Variants in VRK2 observed in about 807,000 individuals in gnomAD.
VRK2 encodes the protein VRK serine/threonine kinase 2.
A neutral mutation model predicts 57.6 loss-of-function variants in VRK2; 60 were observed. The ratio of observed to expected loss-of-function variants is 1.04; its 90% CI spans 0.85 to 1.29. VRK2 has a LOEUF of 1.29. VRK2 is among the 50% of genes most tolerant of loss of function. VRK2 has a pLI of 0.00. For synonymous variants in VRK2, 231 were observed against 199.2 expected, an observed-to-expected ratio of 1.16 and a Z score of -1.35; for missense variants, 705 against 588.1, an observed-to-expected ratio of 1.20 and a Z score of -2.06.
At chr2:57,918,927 A>G (rs753789501) in intron 1 of VRK2, among the ~76,000 whole-genome samples, 3 of 152,118 alleles carry the variant, frequency 2.0e-5, no homozygotes, top group East Asian at 3.8e-4. Context: ...TTTAAACTCA[A>G]TGCTTGTCTG....
intron 1 of VRK2, among the ~76,000 whole-genome samples, chr2:57,956,709 G>A (rs2103988667): frequency 6.6e-6 from 1 of 152,252 alleles, no homozygotes; most frequent in South Asian, 2.1e-4. Context: ...GCCTTATTTG[G>A]AGAAGAAAGT....
intron 8 of VRK2, among the ~76,000 whole-genome samples, chr2:58,127,999 A>G (rs1486000856): frequency 1.3e-5 from 2 of 152,214 alleles, no homozygotes; most frequent in Non-Finnish European, 2.9e-5. Context: ...CTAGTTCGCT[A>G]AGATAACTTA....
At chr2:58,099,058 T>C (rs1314909746) in intron 7 of VRK2, among the ~76,000 whole-genome samples, 4 of 152,000 alleles carry the variant, frequency 2.6e-5, no homozygotes, top group Admixed American at 2.6e-4. Flanking sequence ...GCTGATCTAG[T>C]ATTTGGAAAA....
chr2:57,958,707 CA>C (rs1176762443), intron 1 of VRK2, among the ~76,000 whole-genome samples: 7 of 152,030 alleles, frequency 4.6e-5, no homozygotes, highest in Admixed American at 1.3e-4. Context: ...ATGATTTAGA[CA>C]GTATTCAGAA....
intron 8 of VRK2, among the ~76,000 whole-genome samples, chr2:58,129,367 T>C (rs747981202): frequency 6.6e-6 from 1 of 152,176 alleles, no homozygotes; most frequent in Non-Finnish European, 1.5e-5. Context: ...TTGCACAGTA[T>C]CATCTGATTT....
chr2:57,924,901 T>A (rs566346813), intron 1 of VRK2, among the ~76,000 whole-genome samples: 1 of 151,016 alleles, frequency 6.6e-6, no homozygotes, highest in Admixed American at 6.6e-5. Flanking sequence ...TTTTTTAGGG[T>A]TTTTTTTTAA....
chr2:58,107,846 C>T (rs1674977604), intron 7 of VRK2, among the ~76,000 whole-genome samples: 1 of 152,118 alleles, frequency 6.6e-6, no homozygotes, highest in Non-Finnish European at 1.5e-5. Context: ...CTGTCTTCAG[C>T]TTACATTCTC....
In VRK2 at chr2:58,062,456, G is replaced by A. The variant is rs147374697; in HGVS notation, c.136+13489G>A. ...GCTAGAAATAATTAAGCTTAGTGAG[G>A]AAGGCATGTCGAAAGCTCAGATAGG... On this transcript the variant is annotated intron_variant, in intron 2 of 12. Transcript: ENST00000340157. Among the ~76,000 whole-genome samples, 8 of 152,186 alleles carry A rather than the reference G, an allele frequency of 5.3e-5. No homozygotes were observed. The East Asian group carries it at 1.4e-3, about 26-fold the overall frequency.
intron 1 of VRK2, among the ~76,000 whole-genome samples, chr2:57,912,288 A>G (rs1289447149): frequency 6.6e-6 from 1 of 152,218 alleles, no homozygotes; most frequent in East Asian, 1.9e-4. Context: ...TAATTCAGAC[A>G]TCTGGGTTCA....
At chr2:58,036,622 C>A (rs561002889) in intron 3 of VRK2, among the ~76,000 whole-genome samples, 70 of 151,212 alleles carry the variant, frequency 4.6e-4, no homozygotes, top group African/African-American at 1.4e-3. Flanking sequence ...TATGTAAAAC[C>A]AAAAAAAATG....
At chr2:57,936,503 TTTTTG>T (rs1010338183) in intron 1 of VRK2, among the ~76,000 whole-genome samples, 8 of 151,746 alleles carry the variant, frequency 5.3e-5, no homozygotes, top group East Asian at 1.9e-4. Flanking sequence ...TGCTTTCATT[TTTTTG>T]TTTTGTTTTG....
chr2:58,101,025 A>G (rs1673879891), intron 7 of VRK2, among the ~76,000 whole-genome samples: 1 of 151,772 alleles, frequency 6.6e-6, no homozygotes, highest in African/African-American at 2.4e-5. Context: ...TCCTATGTAA[A>G]TGATAGCTAT....
rs565201639 is a variant in VRK2 at position 58,157,270 on chromosome 2, C to T, written c.1183-2079C>T. ...TAGTGTTGCTATTTTTCATAGCTTCCCAGTCGATTCTGATGTGCATTCAAA... is the reference window on the plus strand; with the variant it reads ...TAGTGTTGCTATTTTTCATAGCTTCTCAGTCGATTCTGATGTGCATTCAAA... On this transcript the variant is annotated intron_variant, in intron 12 of 12. Transcript: ENST00000340157. Among the ~76,000 whole-genome samples the T allele has an allele frequency of 4.3e-4, 66 of 152,156 alleles. No individual in the cohort carries two copies. The South Asian group carries it at 9.1e-3, about 21-fold the overall frequency.
At chr2:58,011,096 G>A (rs888514068) in intron 1 of VRK2, among the ~76,000 whole-genome samples, 1 of 152,126 alleles carries the variant, frequency 6.6e-6, no homozygotes, top group African/African-American at 2.4e-5. Context: ...TTTCCCCAAT[G>A]TATGACAATT....
intron 2 of VRK2, among the ~76,000 whole-genome samples, chr2:58,057,053 T>C (rs151268808): frequency 6.6e-6 from 1 of 152,290 alleles, no homozygotes; most frequent in Non-Finnish European, 1.5e-5. Flanking sequence ...CTATTTTGTA[T>C]GCTGTCTTTT....
At chr2:58,034,262 A>G (rs1204914651) in intron 3 of VRK2, among the ~76,000 whole-genome samples, 1 of 151,894 alleles carries the variant, frequency 6.6e-6, no homozygotes, top group East Asian at 1.9e-4. Context: ...TTCTGCTAAC[A>G]CCTCTCACAG....
chr2:58,153,480 TTTC>T (rs1169462669), intron 12 of VRK2, among the ~76,000 whole-genome samples: 2 of 152,090 alleles, frequency 1.3e-5, no homozygotes, highest in Non-Finnish European at 2.9e-5. Flanking sequence ...TCATGTGATT[TTTC>T]TTCTTTAGAC....
intron 3 of VRK2, among the ~76,000 whole-genome samples, chr2:58,034,410 T>G (rs1042639531): frequency 6.6e-6 from 1 of 151,992 alleles, no homozygotes; most frequent in African/African-American, 2.4e-5. Flanking sequence ...CAAGGGTTAC[T>G]CCCTCAAAGT....
chr2:57,908,979 G>A (rs1465178654), intron 1 of VRK2, among the ~76,000 whole-genome samples: 1 of 152,082 alleles, frequency 6.6e-6, no homozygotes, highest in African/African-American at 2.4e-5. Flanking sequence ...ATATAATTAG[G>A]GACGTTCCAA....
Sources: gnomAD v4.1 joint callset for allele counts (sites outside exome capture counted in the v4.1 genomes callset) on GRCh38, gnomAD v4.1.1 for gene constraint, MANE v1.5 for transcripts, NCBI Gene and HGNC (gene_info 2026-07-23, HGNC 2026-07-21) for gene names.